The following LARS1 variants were observed in gnomAD, a reference collection of about 807,000 sequenced individuals.
LARS1 encodes leucyl-tRNA synthetase 1, also known as leucine--tRNA ligase, cytoplasmic.
LARS1 carries 100 observed loss-of-function variants against 162.8 expected under a neutral mutation model. That is an observed-to-expected ratio of 0.61 (90% CI 0.52 to 0.73). The LOEUF is 0.73. Ranked by LOEUF, LARS1 falls within the 30% of genes least tolerant of loss-of-function variation. The pLI is 0.00. For missense variants in LARS1, 1,258 were observed against 1,408.9 expected (o/e 0.89, Z 1.71); for synonymous variants, 457 against 462.8 (o/e 0.99, Z 0.16).
intron 29 of LARS1, among the ~76,000 whole-genome samples, chr5:146,123,216 AT>A (rs536508648): frequency 9.2e-5 from 14 of 151,648 alleles, no homozygotes; most frequent in Non-Finnish European, 1.3e-4. Flanking sequence ...CCAAACCTAT[AT>A]TTTTTTTACT....
intron 19 of LARS1, 108 bp from the exon 20 acceptor site, chr5:146,143,192 G>C: frequency 2.4e-6 from 2 of 817,112 alleles, no homozygotes; most frequent in Middle Eastern, 3.8e-4. Flanking sequence ...TCTTAATGTA[G>C]TTACAGGAAC....
At chr5:146,133,158 G>T in intron 22 of LARS1, 77 bp from the exon 23 acceptor site, 1 of 1,244,728 alleles carries the variant, frequency 8.0e-7, no homozygotes, top group Non-Finnish European at 1.1e-6. Context: ...TGTCCAGTTG[G>T]ATACCTTGCA....
chr5:146,181,835 C>T (rs1419712611), intron 1 of LARS1, among the ~76,000 whole-genome samples: 1 of 79,542 alleles, frequency 1.3e-5, no homozygotes, highest in Admixed American at 1.4e-4. Flanking sequence ...TACGGAGAGG[C>T]GCTCAATTTT....
intron 27 of LARS1, among the ~76,000 whole-genome samples, chr5:146,127,702 A>C (rs1370741839): frequency 6.6e-6 from 1 of 152,068 alleles, no homozygotes; most frequent in Non-Finnish European, 1.5e-5. Flanking sequence ...CAAAATCTGC[A>C]AGCAGATTCT....
intron 2 of LARS1, among the ~76,000 whole-genome samples, chr5:146,175,415 C>A (rs1008666507): frequency 3.3e-5 from 5 of 151,328 alleles, no homozygotes; most frequent in Admixed American, 2.0e-4. Flanking sequence ...TGGTGGCATG[C>A]ACCTGTAATC....
Position 146,113,084 on chromosome 5 carries a change from G to C in LARS1, c.*1022C>G, listed in dbSNP as rs1402385321. On this transcript the variant is annotated 3_prime_UTR_variant, in exon 32 of 32. Coordinates refer to ENST00000394434, the MANE Select transcript of LARS1 (RefSeq NM_020117.11). ...ATTGATTGATTGATGGATTGATTGA[G>C]ACAGAGTTTCACTCTTGTTGCCTAA... 6.9e-6 allele frequency: 1 copy of C among 144,852 alleles called. No homozygotes were observed. The highest frequency in any genetic ancestry group is 7.3e-5 in the Admixed American group (1 of 13,734). 9.0% of individuals were successfully genotyped at this position (144,852 alleles called of 1,614,324 possible).
In LARS1 at chr5:146,182,566, C is replaced by G; in HGVS notation, c.-73G>C. On this transcript the variant is annotated 5_prime_UTR_variant, in exon 1 of 32. Transcript: ENST00000394434. The stretch of plus-strand genomic sequence containing the variant: ...CCTCCACAAAGGAGTGGTTACCTTT[C>G]CCCTCCCTCTCGGGGATGCCAGGCC... The G allele has an allele frequency of 6.2e-7, 1 of 1,605,152 alleles. No homozygotes were observed. The highest frequency in any genetic ancestry group is 8.5e-7 in the Non-Finnish European group (1 of 1,171,996).
In LARS1 at chr5:146,173,331, C is replaced by T. The variant is rs58184144; in HGVS notation, c.126-557G>A. Among the ~76,000 whole-genome samples, 69 of 150,224 alleles carry T rather than the reference C, an allele frequency of 4.6e-4. 1 individual carries two copies. Among genetic ancestry groups the T allele is most frequent in the African/African-American group, 1.6e-3 (65 of 40,852 alleles). ...TCATGCCACTGCACTCCAGCCTGGG[C>T]GAAAATGAGACTCCATCTCAAAAAA... On this transcript the variant is annotated intron_variant, in intron 2 of 31. Transcript: ENST00000394434.
At position 146,172,789 on chromosome 5, in the gene LARS1, T is replaced by C. The variant is rs781334641; in HGVS notation, c.126-15A>G. 7.0e-7 allele frequency: 1 copy of C among 1,438,780 alleles called. No homozygotes were observed. Among genetic ancestry groups the C allele is most frequent in the Non-Finnish European group, 9.5e-7 (1 of 1,058,074 alleles). The allele number at this position is 1,438,780 out of a possible 1,614,324, so 89.1% of individuals were successfully genotyped here. ...ACTTGCCCTTGCTGCAAAACAACAG[T>C]ATAAAAAAGAAAGTACAGAAGAATA... On this transcript the variant is annotated splice_polypyrimidine_tract_variant and intron_variant, in intron 2 of 31. Coordinates refer to ENST00000394434, the MANE Select transcript of LARS1 (RefSeq NM_020117.11).
At chr5:146,179,851 C>T (rs916290049) in intron 1 of LARS1, among the ~76,000 whole-genome samples, 2 of 152,192 alleles carry the variant, frequency 1.3e-5, no homozygotes, top group Non-Finnish European at 2.9e-5. Context: ...AATCCACCAG[C>T]CTTGGCTTTC....
In LARS1 at chr5:146,144,315, T is replaced by C; in HGVS notation, c.1690A>G (p.Thr564Ala). The change falls in exon 18 of 32, where the codon ACC becomes GCC. Residue 564 changes from threonine (T) to alanine (A), a missense_variant. Thr to Ala is a moderately conservative substitution (Grantham distance 58, BLOSUM62 0). Transcript: ENST00000394434. The part of the protein sequence containing the change: ...CEETRRNFEA[T>A]LGWLQEHACS... Reference sequence around the variant, plus strand: ...GCATGTTCTTGTAGCCAACCTAAGGTGGCTTCAAAATTCCTCCTGGTCTCC... The same window carrying C: ...GCATGTTCTTGTAGCCAACCTAAGGCGGCTTCAAAATTCCTCCTGGTCTCC... The C allele has an allele frequency of 1.2e-6, 2 of 1,613,728 alleles. No homozygotes were observed. Among genetic ancestry groups the C allele is most frequent in the Non-Finnish European group, 1.7e-6 (2 of 1,179,914 alleles).
Position 146,113,562 on chromosome 5 carries a change from A to ACT in LARS1, c.*543_*544insAG. The stretch of plus-strand genomic sequence containing the variant: ...ATTAAAGCTTTAAAAAGTCTTATAA[A>ACT]ATGCAGGACCTATTTGTTCTTTATA... On this transcript the variant is annotated 3_prime_UTR_variant, in exon 32 of 32. Coordinates refer to ENST00000394434, the MANE Select transcript of LARS1 (RefSeq NM_020117.11). The ACT allele has an allele frequency of 6.6e-6, 1 of 152,534 alleles. No individual in the cohort carries two copies. Among genetic ancestry groups the ACT allele is most frequent in the South Asian group, 2.1e-4 (1 of 4,840 alleles). 9.4% of individuals were successfully genotyped at this position (152,534 alleles called of 1,614,324 possible). A position where few individuals can be genotyped will look rare whatever the true frequency, so the allele number is the denominator to read the frequency against.
At chr5:146,149,304 A>T (rs1403800496) in intron 15 of LARS1, among the ~76,000 whole-genome samples, 4 of 152,174 alleles carry the variant, frequency 2.6e-5, no homozygotes, top group African/African-American at 4.8e-5. Context: ...AAACGGAGGG[A>T]TGAGAGGAGG....
intron 14 of LARS1, among the ~76,000 whole-genome samples, chr5:146,151,111 AT>A (rs1436230057): frequency 2.0e-5 from 3 of 152,182 alleles, no homozygotes; most frequent in African/African-American, 7.2e-5. Flanking sequence ...TAAATTGGAG[AT>A]AAGAGTGCCT....
intron 27 of LARS1, 113 bp from the exon 28 acceptor site, chr5:146,126,658 G>A: frequency 1.5e-6 from 1 of 657,006 alleles, no homozygotes; most frequent in East Asian, 2.7e-5. Context: ...TTAGAGAACA[G>A]CAGAAAAGTG....
At chr5:146,171,204 A>G (rs901690141) in intron 4 of LARS1, among the ~76,000 whole-genome samples, 1 of 151,996 alleles carries the variant, frequency 6.6e-6, no homozygotes, top group Non-Finnish European at 1.5e-5. Flanking sequence ...TAAAAATACA[A>G]AAATTAGCCA....
intron 18 of LARS1, among the ~76,000 whole-genome samples, chr5:146,143,814 C>A (rs912058897): frequency 1.3e-5 from 2 of 151,946 alleles, no homozygotes; most frequent in African/African-American, 2.4e-5. Context: ...AACTGGCCAA[C>A]ATGGTGAAAC....
At chr5:146,138,615 C>T (rs1752615733) in intron 21 of LARS1, among the ~76,000 whole-genome samples, 1 of 151,348 alleles carries the variant, frequency 6.6e-6, no homozygotes, top group Non-Finnish European at 1.5e-5. Context: ...GTAATCCTAG[C>T]TACTCAGGAG....
At chr5:146,172,201 T>C (rs1754314557) in intron 3 of LARS1, among the ~76,000 whole-genome samples, 1 of 152,078 alleles carries the variant, frequency 6.6e-6, no homozygotes, top group South Asian at 2.1e-4. Context: ...ATATGGCACA[T>C]AAAAATTAAA....
Sources: allele counts gnomAD v4.1 joint callset (sites outside exome capture counted in the v4.1 genomes callset), GRCh38; gene constraint gnomAD v4.1.1; transcripts MANE v1.5; gene names NCBI Gene and HGNC (gene_info 2026-07-23, HGNC 2026-07-21).